TMEFF1: variants seen among roughly 807,000 people sequenced by gnomAD.
The protein encoded by TMEFF1 is tomoregulin-1.
A neutral mutation model predicts 47.5 loss-of-function variants in TMEFF1; 20 were observed. That is an observed-to-expected ratio of 0.42 (90% CI 0.30 to 0.61). The LOEUF is 0.61. TMEFF1 is among the 20% of genes least tolerant of loss of function. TMEFF1 has a pLI of 0.19. For missense variants in TMEFF1, 411 were observed against 471.1 expected (o/e 0.87, Z 1.18); for synonymous variants, 162 against 166.3 (o/e 0.97, Z 0.20).
In TMEFF1 at chr9:100,561,369, T is replaced by A. The variant is rs1427795862; in HGVS notation, c.776-28T>A. ...TATTTTTCAGCTTGCGTTTCATTGT[T>A]GAACGATCTGGTTTATGTTCTTTTA... On this transcript the variant is annotated intron_variant, in intron 7 of 9. Transcript: ENST00000374879. 3 of 1,599,714 alleles carry A rather than the reference T, an allele frequency of 1.9e-6. No homozygotes were observed. The East Asian group carries it at 6.7e-5, about 36-fold the overall frequency.
At chr9:100,532,124 A>T (rs575743542) in intron 5 of TMEFF1, among the ~76,000 whole-genome samples, 1 of 152,204 alleles carries the variant, frequency 6.6e-6, no homozygotes, top group South Asian at 2.1e-4. Flanking sequence ...GTTAGACCTA[A>T]AACCGTAAAA....
At chr9:100,518,074 C>A (rs1039075978) in intron 5 of TMEFF1, among the ~76,000 whole-genome samples, 2 of 152,054 alleles carry the variant, frequency 1.3e-5, no homozygotes, top group Admixed American at 1.3e-4. Flanking sequence ...ATACATTTTT[C>A]TATTATCATT....
chr9:100,491,481 A>G (rs1453973297), intron 1 of TMEFF1, among the ~76,000 whole-genome samples: 2 of 152,348 alleles, frequency 1.3e-5, no homozygotes, highest in South Asian at 2.1e-4. Context: ...CCACATGTTA[A>G]TAAGGCCTTA....
chr9:100,481,622 A>G (rs200426715), intron 1 of TMEFF1, among the ~76,000 whole-genome samples: 7 of 152,226 alleles, frequency 4.6e-5, no homozygotes, highest in Non-Finnish European at 1.0e-4. Context: ...TTTGAGTGAC[A>G]TTATGGTTTT....
Position 100,550,100 on chromosome 9 carries a change from G to T in TMEFF1, c.715G>T (p.Asp239Tyr). Residue 239 changes from aspartate to tyrosine, a missense_variant, in exon 7 of 10, where the codon GAT becomes TAT. Transcript: ENST00000374879. Reference sequence around the variant, plus strand: ...AAAACCGTCTTCTCTTACAGATACAGATGACACTAGTTTGTTGGGAAAGAA... The same window carrying T: ...AAAACCGTCTTCTCTTACAGATACATATGACACTAGTTTGTTGGGAAAGAA... ...IRHLGHCTDTDDTSLLGKKDD... is the reference protein window; with the variant it reads ...IRHLGHCTDTYDTSLLGKKDD... The T allele has an allele frequency of 6.2e-7, 1 of 1,611,040 alleles. No individual in the cohort carries two copies. The highest frequency in any genetic ancestry group is 2.2e-5 in the East Asian group (1 of 44,656).
chr9:100,515,965 C>T (rs1443773319), intron 4 of TMEFF1, among the ~76,000 whole-genome samples: 2 of 152,118 alleles, frequency 1.3e-5, no homozygotes, highest in Non-Finnish European at 2.9e-5. Context: ...TTGAGACCCA[C>T]AAAGTGTAAG....
intron 2 of TMEFF1, among the ~76,000 whole-genome samples, chr9:100,500,278 G>A (rs1409951355): frequency 6.6e-6 from 1 of 152,056 alleles, no homozygotes; most frequent in Non-Finnish European, 1.5e-5. Context: ...CTTGGGGTTG[G>A]CAGAACTTCT....
chr9:100,505,301 A>C (rs897606588), intron 2 of TMEFF1, among the ~76,000 whole-genome samples: 1 of 149,046 alleles, frequency 6.7e-6, no homozygotes, highest in African/African-American at 2.5e-5. Flanking sequence ...AATCCCAGCT[A>C]CTTGGGAGGC....
chr9:100,497,815 CT>C (rs1041229722), intron 1 of TMEFF1, among the ~76,000 whole-genome samples: 2 of 152,062 alleles, frequency 1.3e-5, no homozygotes, highest in Non-Finnish European at 2.9e-5. Context: ...AGTCCTTGCT[CT>C]TTTCCCAGAG....
intron 2 of TMEFF1, 128 bp from the exon 3 acceptor site, chr9:100,508,877 A>G: frequency 8.1e-7 from 1 of 1,230,400 alleles, no homozygotes; most frequent in Non-Finnish European, 1.0e-6. Flanking sequence ...AAGCCAAAAA[A>G]AAAAAAAAAC....
At position 100,489,693 on chromosome 9, in the gene TMEFF1, T is replaced by C. The variant is rs567983340; in HGVS notation, c.197-9072T>C. On this transcript the variant is annotated intron_variant, in intron 1 of 9. Transcript: ENST00000374879. The stretch of plus-strand genomic sequence containing the variant: ...TAAAATAGGCATTAAAAAAAGTTTG[T>C]GTTACATACATTTTAAAAAGCCTGA... 3.3e-5 allele frequency among the ~76,000 whole-genome samples: 5 copies of C among 152,250 alleles called. No homozygotes were observed. In the East Asian group the frequency reaches 9.6e-4, roughly 29 times the overall value.
At chr9:100,548,140 C>A (rs1336415495) in intron 6 of TMEFF1, among the ~76,000 whole-genome samples, 1 of 151,856 alleles carries the variant, frequency 6.6e-6, no homozygotes, top group Non-Finnish European at 1.5e-5. Context: ...CTGATCCTAA[C>A]ATGGAATTAT....
chr9:100,474,349 G>T (rs931053544), intron 1 of TMEFF1, among the ~76,000 whole-genome samples: 1 of 151,914 alleles, frequency 6.6e-6, no homozygotes, highest in African/African-American at 2.4e-5. Context: ...GCGCGCGTGT[G>T]TGTTCTTTGG....
At chr9:100,504,255 G>A (rs531859405) in intron 2 of TMEFF1, among the ~76,000 whole-genome samples, 1 of 152,274 alleles carries the variant, frequency 6.6e-6, no homozygotes, top group South Asian at 2.1e-4. Flanking sequence ...CCCATAATTT[G>A]TCCATTAGCA....
Position 100,485,128 on chromosome 9 carries a change from C to CT in TMEFF1, c.196+11396dup, listed in dbSNP as rs200870906. On this transcript the variant is annotated intron_variant, in intron 1 of 9. Coordinates refer to ENST00000374879, the MANE Select transcript of TMEFF1 (RefSeq NM_003692.5). ...TGTAGGATGTATCAGAATTTCATTC[C>CT]TTTTTTTTGACTGAATAATATTTCA... Among the ~76,000 whole-genome samples, 492 of 151,966 alleles carry CT rather than the reference C, an allele frequency of 3.2e-3. 2 individuals are homozygous for CT. Among genetic ancestry groups the CT allele is most frequent in the African/African-American group, 0.011 (454 of 41,472 alleles).
intron 5 of TMEFF1, among the ~76,000 whole-genome samples, chr9:100,521,137 T>C (rs184422238): frequency 6.6e-6 from 1 of 152,000 alleles, no homozygotes; most frequent in East Asian, 1.9e-4. Flanking sequence ...AAAATAAGAG[T>C]GTATAGGTTC....
At position 100,532,740 on chromosome 9, in the gene TMEFF1, A is replaced by G. The variant is rs944461504; in HGVS notation, c.561-15004A>G. 3.3e-5 allele frequency among the ~76,000 whole-genome samples: 5 copies of G among 152,162 alleles called. No homozygotes were observed. In the East Asian group the frequency reaches 9.7e-4, roughly 29 times the overall value. On this transcript the variant is annotated intron_variant, in intron 5 of 9. Coordinates refer to ENST00000374879, the MANE Select transcript of TMEFF1 (RefSeq NM_003692.5). ...TGACCCAGCCATCCCATTACTGGGTATATACCCAAAGGACTATAAATCATG... is the reference window on the plus strand; with the variant it reads ...TGACCCAGCCATCCCATTACTGGGTGTATACCCAAAGGACTATAAATCATG...
At chr9:100,555,173 A>ACACACACG (rs1032444216) in intron 7 of TMEFF1, among the ~76,000 whole-genome samples, 1 of 151,692 alleles carries the variant, frequency 6.6e-6, no homozygotes, top group Admixed American at 6.6e-5. Flanking sequence ...ACACACACAC[A>ACACACACG]CACACACACA....
At chr9:100,573,442 T>TAGA (rs1291332333) in intron 9 of TMEFF1, among the ~76,000 whole-genome samples, 1 of 152,076 alleles carries the variant, frequency 6.6e-6, no homozygotes, top group African/African-American at 2.4e-5. Context: ...CTAAACTGAG[T>TAGA]AGAAATACAT....
Sources: allele counts gnomAD v4.1 joint callset (sites outside exome capture counted in the v4.1 genomes callset), GRCh38; gene constraint gnomAD v4.1.1; transcripts MANE v1.5; gene names NCBI Gene and HGNC (gene_info 2026-07-23, HGNC 2026-07-21).